Variants in CYTH3 observed in about 807,000 individuals in gnomAD.
The protein encoded by CYTH3 is cytohesin-3.
In CYTH3, 23 loss-of-function variants were observed where a neutral mutation model predicts 55.1. That is an observed-to-expected ratio of 0.42 (90% CI 0.30 to 0.59). The LOEUF is 0.59. CYTH3 is among the 20% of genes least tolerant of loss of function. CYTH3 has a pLI of 0.20. For synonymous variants in CYTH3, 249 were observed against 194.9 expected (o/e 1.28, Z -2.31); for missense variants, 413 against 524.8 (o/e 0.79, Z 2.08).
intron 1 of CYTH3, among the ~76,000 whole-genome samples, chr7:6,258,719 A>G (rs1780199225): frequency 2.0e-5 from 3 of 152,206 alleles, no homozygotes; most frequent in African/African-American, 7.2e-5. Context: ...TGTCCCCCAA[A>G]TATCTACATC....
At chr7:6,190,220 C>T (rs992647030) in intron 2 of CYTH3, among the ~76,000 whole-genome samples, 1 of 152,070 alleles carries the variant, frequency 6.6e-6, no homozygotes, top group African/African-American at 2.4e-5. Flanking sequence ...TGATTTCTAC[C>T]CGGGGTCTCA....
At chr7:6,262,425 C>G (rs1473972515) in intron 1 of CYTH3, among the ~76,000 whole-genome samples, 2 of 152,192 alleles carry the variant, frequency 1.3e-5, no homozygotes, top group South Asian at 4.1e-4. Flanking sequence ...CACATAACAG[C>G]TGAAAACCAA....
intron 1 of CYTH3, among the ~76,000 whole-genome samples, chr7:6,255,798 C>G (rs1426339409): frequency 7.6e-6 from 1 of 131,524 alleles, no homozygotes; most frequent in African/African-American, 2.9e-5. Context: ...GAATCTCCCT[C>G]TGTCACCCAG....
chr7:6,239,511 G>A lies in CYTH3; in HGVS notation c.34+32963C>T, dbSNP rs1156686508. ...CAAGTGAACATTTTCAAAACAGAAT[G>A]CATTGGCCAATGCAATTGGACAAGA... is the stretch of plus-strand genomic sequence containing the variant. On this transcript the variant is annotated intron_variant, in intron 1 of 12. Coordinates refer to ENST00000350796, the MANE Select transcript of CYTH3 (RefSeq NM_004227.4). Among the ~76,000 whole-genome samples the A allele has an allele frequency of 2.0e-5, 3 of 152,128 alleles. No homozygotes were observed. In the East Asian group the frequency reaches 5.8e-4, roughly 29 times the overall value.
At chr7:6,255,769 T>TG (rs1326805406) in intron 1 of CYTH3, among the ~76,000 whole-genome samples, 2 of 144,950 alleles carry the variant, frequency 1.4e-5, no homozygotes, top group African/African-American at 2.6e-5. Context: ...TTTTTTTTTT[T>TG]TTTTTTTTTT....
chr7:6,224,148 G>A (rs1363318606), intron 1 of CYTH3, among the ~76,000 whole-genome samples: 1 of 152,094 alleles, frequency 6.6e-6, no homozygotes, highest in East Asian at 1.9e-4. Flanking sequence ...CTCCTGAGTA[G>A]CTGGGACTAC....
chr7:6,252,997 C>T (rs1446803934), intron 1 of CYTH3, among the ~76,000 whole-genome samples: 1 of 152,096 alleles, frequency 6.6e-6, no homozygotes, highest in Admixed American at 6.6e-5. Context: ...CTCCGTAACT[C>T]CTTCTGGTTA....
intron 1 of CYTH3, among the ~76,000 whole-genome samples, chr7:6,253,560 G>A (rs1053156718): frequency 6.6e-5 from 10 of 151,998 alleles, no homozygotes; most frequent in African/African-American, 2.4e-4. Flanking sequence ...GCTCACGCCT[G>A]TAATCCCAAC....
At chr7:6,216,916 C>CTT (rs1199082573) in intron 1 of CYTH3, among the ~76,000 whole-genome samples, 1 of 140,712 alleles carries the variant, frequency 7.1e-6, no homozygotes. Flanking sequence ...TCGATAATGA[C>CTT]TTTTTTTTTT....
intron 2 of CYTH3, chr7:6,188,702 G>A (rs1274650440): frequency 6.6e-6 from 1 of 152,198 alleles, no homozygotes; most frequent in African/African-American, 2.4e-5. Flanking sequence ...TAATGAGACT[G>A]ACCTCTGGAA....
At chr7:6,229,618 T>G (rs1279032660) in intron 1 of CYTH3, among the ~76,000 whole-genome samples, 1 of 143,808 alleles carries the variant, frequency 7.0e-6, no homozygotes, top group Non-Finnish European at 1.5e-5. Context: ...AAGACCAGCC[T>G]GGCCAACATA....
intron 1 of CYTH3, among the ~76,000 whole-genome samples, chr7:6,260,889 C>G (rs747478744): frequency 6.6e-6 from 1 of 152,170 alleles, no homozygotes; most frequent in Non-Finnish European, 1.5e-5. Context: ...CAGACTGACA[C>G]AGCCAACTGC....
At chr7:6,204,892 C>T (rs1174789813) in intron 1 of CYTH3, among the ~76,000 whole-genome samples, 6 of 152,156 alleles carry the variant, frequency 3.9e-5, no homozygotes, top group Non-Finnish European at 7.4e-5. Flanking sequence ...AGGATGAGTG[C>T]GGTGGCTCAC....
rs373077416 is a variant in CYTH3, at chr7:6,188,359, A to C, written c.118-638T>G. Among the ~76,000 whole-genome samples the C allele has an allele frequency of 2.8e-4, 42 of 151,866 alleles. 1 individual carries two copies. Among genetic ancestry groups the C allele is most frequent in the African/African-American group, 5.8e-4 (24 of 41,380 alleles). On this transcript the variant is annotated intron_variant, in intron 2 of 12. Transcript: ENST00000350796. ...TTTTTTAAAAAAAACAAAAAAACAA[A>C]AAAAAAAAGCCCAGCAAAAGGAAAG...
chr7:6,221,530 G>T (rs1207200360), intron 1 of CYTH3, among the ~76,000 whole-genome samples: 2 of 152,128 alleles, frequency 1.3e-5, no homozygotes, highest in East Asian at 3.9e-4. Context: ...CATGGGTGAT[G>T]ACACAAAACT....
chr7:6,246,224 C>T (rs1444928551), intron 1 of CYTH3, among the ~76,000 whole-genome samples: 1 of 151,244 alleles, frequency 6.6e-6, no homozygotes, highest in Non-Finnish European at 1.5e-5. Flanking sequence ...TGCCACAACA[C>T]CTGGATAATT....
intron 4 of CYTH3, 26 bp downstream of exon 4, chr7:6,187,024 C>A (rs763729714): frequency 3.2e-5 from 51 of 1,610,210 alleles, no homozygotes; most frequent in Non-Finnish European, 4.3e-5. Flanking sequence ...CTCCTGCAGG[C>A]CAGAAAAGGG....
chr7:6,204,980 C>T (rs913922174), intron 1 of CYTH3, among the ~76,000 whole-genome samples: 2 of 151,922 alleles, frequency 1.3e-5, no homozygotes, highest in Admixed American at 1.3e-4. Flanking sequence ...GTTTGGGCAA[C>T]ATGGCGAAGA....
chr7:6,193,556 C>T (rs536629763), intron 1 of CYTH3, among the ~76,000 whole-genome samples: 2 of 152,322 alleles, frequency 1.3e-5, no homozygotes, highest in African/African-American at 4.8e-5. Flanking sequence ...GAAAAGCAAA[C>T]TTTGAAGCCC....
Sources: gnomAD v4.1 joint callset for allele counts (sites outside exome capture counted in the v4.1 genomes callset) on GRCh38, gnomAD v4.1.1 for gene constraint, MANE v1.5 for transcripts, NCBI Gene and HGNC (gene_info 2026-07-23, HGNC 2026-07-21) for gene names.